The following SPC25 variants were observed in gnomAD, a reference collection of about 807,000 sequenced individuals.
SPC25 encodes kinetochore protein Spc25.
SPC25 carries 22 observed loss-of-function variants against 29.6 expected under a neutral mutation model. The ratio of observed to expected loss-of-function variants is 0.74; its 90% CI spans 0.53 to 1.06. SPC25 has a LOEUF of 1.06. Among genes scored for constraint, SPC25 ranks in the 50% least tolerant of loss-of-function variants. SPC25 has a pLI of 0.00. For synonymous variants in SPC25, 91 were observed against 90.4 expected (o/e 1.01, Z -0.04); for missense variants, 230 against 255.8 (o/e 0.90, Z 0.69).
chr2:168,874,658 A>G (rs1253040987), intron 5 of SPC25, among the ~76,000 whole-genome samples: 1 of 152,152 alleles, frequency 6.6e-6, no homozygotes, highest in Non-Finnish European at 1.5e-5. Flanking sequence ...AAAAGGATAT[A>G]GCGAAATCAG....
intron 6 of SPC25, among the ~76,000 whole-genome samples, chr2:168,871,930 G>C (rs1359581030): frequency 2.0e-5 from 3 of 149,114 alleles, no homozygotes; most frequent in African/African-American, 7.4e-5. Context: ...ACTTTGGTCT[G>C]ACTGACTTTT....
At chr2:168,866,483 G>A (rs912166196), downstream of SPC25, among the ~76,000 whole-genome samples, 1 of 152,010 alleles carries the variant, frequency 6.6e-6, no homozygotes, top group Admixed American at 6.5e-5. Flanking sequence ...AATTCAAGAT[G>A]GATTAAAGAC....
At chr2:168,863,627 G>C in intron 4 of SPC25, 1 of 984,254 alleles carries the variant, frequency 1.0e-6, no homozygotes, top group Non-Finnish European at 1.2e-6. Flanking sequence ...TGTTGAATGG[G>C]GAGTTACATT....
At chr2:168,862,769 C>T (rs1305733689) in intron 4 of SPC25, among the ~76,000 whole-genome samples, 5 of 132,726 alleles carry the variant, frequency 3.8e-5, no homozygotes, top group Non-Finnish European at 8.5e-5. Context: ...CTTTATGTGT[C>T]CAGTTAGAAA....
intron 3 of SPC25, among the ~76,000 whole-genome samples, chr2:168,888,470 G>A (rs1304293256): frequency 1.3e-5 from 2 of 151,920 alleles, no homozygotes; most frequent in African/African-American, 4.8e-5. Context: ...CAGGAGAGTG[G>A]CGTGAACCCA....
intron 3 of SPC25, among the ~76,000 whole-genome samples, chr2:168,878,192 C>T (rs931194548): frequency 5.9e-5 from 9 of 152,060 alleles, no homozygotes; most frequent in Non-Finnish European, 1.2e-4. Context: ...GGCCCTCTGC[C>T]CACAACTATA....
chr2:168,863,520 T>G, intron 4 of SPC25: 1 of 985,372 alleles, frequency 1.0e-6, no homozygotes, highest in Non-Finnish European at 1.2e-6. Context: ...ACAAGAGCCA[T>G]GTTTCTTGTC....
Position 168,888,951 on chromosome 2 carries a change from GTGTGTGTATA to G in SPC25, c.199+265_199+274del, listed in dbSNP as rs1312574734. Among the ~76,000 whole-genome samples the G allele has an allele frequency of 6.3e-5, 4 of 63,594 alleles. No individual in the cohort carries two copies. The East Asian group carries it at 1.9e-3, about 30-fold the overall frequency. The allele number at this position is 63,594 out of a possible 152,430, so 41.7% of individuals were successfully genotyped here. ...TGTGTGTGTGTGTGTGTGTGTGTGT[GTGTGTGTATA>G]TATATATATATACACACACACATAT... On this transcript the variant is annotated intron_variant, in intron 3 of 6. Transcript: ENST00000282074.
intron 5 of SPC25, among the ~76,000 whole-genome samples, chr2:168,874,575 T>C (rs1690054598): frequency 6.6e-6 from 1 of 152,190 alleles, no homozygotes. Context: ...GTCTTTTTTA[T>C]GATTCACTAG....
In SPC25 at chr2:168,890,381, C is replaced by T. The variant is rs1004663988; in HGVS notation, c.-78G>A. ...CCAGATCCGCGCCCACTCTAGCCAA[C>T]AGCCGGACTCTAGGCTCAGCTCCCG... On this transcript the variant is annotated 5_prime_UTR_variant, in exon 1 of 7. Coordinates refer to ENST00000282074, the MANE Select transcript of SPC25 (RefSeq NM_020675.4). The T allele has an allele frequency of 1.5e-4, 148 of 985,538 alleles. No homozygotes were observed. The African/African-American group carries it at 2.1e-3, about 14-fold the overall frequency. The allele number at this position is 985,538 out of a possible 1,614,324, so 61.0% of individuals were successfully genotyped here.
intron 3 of SPC25, among the ~76,000 whole-genome samples, chr2:168,887,804 G>C (rs755162395): frequency 3.3e-5 from 5 of 152,166 alleles, no homozygotes; most frequent in Non-Finnish European, 5.9e-5. Context: ...AGTACTAACA[G>C]AGCTGAGAGA....
downstream of SPC25, among the ~76,000 whole-genome samples, chr2:168,867,346 G>A (rs887984978): frequency 6.6e-6 from 1 of 152,088 alleles, no homozygotes; most frequent in Non-Finnish European, 1.5e-5. Flanking sequence ...AAAATAACCA[G>A]CTAACATCAT....
rs1690083935 is a variant in SPC25 at position 168,876,174 on chromosome 2, T to C, written c.349A>G (p.Ile117Val). The stretch of plus-strand genomic sequence containing the variant: ...GCATTCGCTTTATTAGCAGTAGAAA[T>C]AGCTGATTAAAAAACACACACAATA... Reference protein sequence around the residue: ...KEEYSRKKETISTANKANAER... With the variant: ...KEEYSRKKETVSTANKANAER... The change falls in exon 5 of 7, where the codon ATT (isoleucine) becomes GTT (valine). Residue 117 changes from isoleucine (I) to valine (V), a missense_variant and splice_region_variant. Physicochemically the swap from Ile to Val is conservative, Grantham distance 29. Coordinates refer to ENST00000282074, the MANE Select transcript of SPC25 (RefSeq NM_020675.4). The C allele has an allele frequency of 5.8e-6, 9 of 1,549,352 alleles. No homozygotes were observed. Among genetic ancestry groups the C allele is most frequent in the East Asian group, 2.4e-5 (1 of 42,016 alleles).
At chr2:168,883,928 G>A (rs918340751) in intron 3 of SPC25, among the ~76,000 whole-genome samples, 7 of 151,832 alleles carry the variant, frequency 4.6e-5, no homozygotes, top group Non-Finnish European at 1.0e-4. Context: ...TCACCACCAC[G>A]CCCAGCTAAT....
intron 4 of SPC25, chr2:168,864,716 C>A: frequency 1.7e-6 from 2 of 1,167,676 alleles, no homozygotes; most frequent in South Asian, 1.5e-5. Context: ...GAATCAAGTG[C>A]AGAAAATGAC....
At chr2:168,863,419 A>T in intron 4 of SPC25, 1 of 985,068 alleles carries the variant, frequency 1.0e-6, no homozygotes, top group Non-Finnish European at 1.2e-6. Flanking sequence ...AGACTGAAAA[A>T]TCACCTCAGA....
intron 1 of SPC25, among the ~76,000 whole-genome samples, chr2:168,889,979 G>C (rs1051070553): frequency 3.3e-5 from 5 of 152,132 alleles, no homozygotes; most frequent in Non-Finnish European, 7.3e-5. Flanking sequence ...CAGTAAAATA[G>C]GGACTAAGGT....
chr2:168,880,447 A>C (rs916955667), intron 3 of SPC25, among the ~76,000 whole-genome samples: 2 of 152,224 alleles, frequency 1.3e-5, no homozygotes, highest in Non-Finnish European at 2.9e-5. Context: ...ACAGAATTGA[A>C]GAGGGCTAGA....
chr2:168,877,496 G>T, intron 3 of SPC25, 112 bp from the exon 4 acceptor site: 1 of 1,191,496 alleles, frequency 8.4e-7, no homozygotes, highest in Non-Finnish European at 1.2e-6. Flanking sequence ...TGTTTTGACT[G>T]ATAAGCATTT....
Sources: gnomAD v4.1 joint callset for allele counts (sites outside exome capture counted in the v4.1 genomes callset) on GRCh38, gnomAD v4.1.1 for gene constraint, MANE v1.5 for transcripts, NCBI Gene and HGNC (gene_info 2026-07-23, HGNC 2026-07-21) for gene names.